Variants in KPNA7 observed in about 807,000 individuals in gnomAD.
KPNA7 encodes the protein importin subunit alpha-8.
Under a neutral mutation model 53.7 loss-of-function variants are expected in KPNA7, and 54 were observed. The ratio of observed to expected loss-of-function variants is 1.01; its 90% CI spans 0.81 to 1.26. The LOEUF is 1.26. KPNA7 is among the 50% of genes most tolerant of loss of function. KPNA7 has a pLI of 0.00. For missense variants in KPNA7, 640 were observed against 644.5 expected (o/e 0.99, Z 0.07); for synonymous variants, 276 against 259.3 (o/e 1.06, Z -0.62).
chr7:99,151,009 C>T, the KPNA7 span, among the ~76,000 whole-genome samples: 1 of 152,154 alleles, frequency 6.6e-6, no homozygotes, highest in East Asian at 1.9e-4. Context: ...GGAGCTGTAC[C>T]TCATTACTTA....
At chr7:99,169,568 G>C (rs897663205), downstream of KPNA7, among the ~76,000 whole-genome samples, 1 of 152,124 alleles carries the variant, frequency 6.6e-6, no homozygotes, top group Admixed American at 6.6e-5. Context: ...AGTGAGCTGA[G>C]ATTGCACCAC....
chr7:99,184,428 G>A (rs530077871), intron 8 of KPNA7, among the ~76,000 whole-genome samples: 11 of 152,120 alleles, frequency 7.2e-5, no homozygotes, highest in South Asian at 2.1e-4. Context: ...CTCCCAAAAC[G>A]TCGGAATTAC....
At chr7:99,169,625 A>AT, downstream of KPNA7, among the ~76,000 whole-genome samples, 1 of 151,708 alleles carries the variant, frequency 6.6e-6, no homozygotes, top group Middle Eastern at 3.4e-3. Context: ...TCAAAAATAG[A>AT]TAAATAACCT....
At chr7:99,173,105 G>A (rs186944689), downstream of KPNA7, among the ~76,000 whole-genome samples, 4 of 149,632 alleles carry the variant, frequency 2.7e-5, no homozygotes, top group East Asian at 7.8e-4. Context: ...AAGTCTGTCC[G>A]GATAACTATA....
intron 10 of KPNA7, among the ~76,000 whole-genome samples, chr7:99,177,251 C>T (rs556318839): frequency 1.3e-5 from 2 of 152,150 alleles, no homozygotes; most frequent in South Asian, 4.1e-4. Context: ...TTGTAGTTAA[C>T]GGGTAGGGAG....
the KPNA7 span, among the ~76,000 whole-genome samples, chr7:99,163,136 G>C: frequency 6.6e-6 from 1 of 151,546 alleles, no homozygotes; most frequent in Non-Finnish European, 1.5e-5. Flanking sequence ...AGCCGAGACT[G>C]CGTGACTGCA....
chr7:99,191,955 T>C (rs920381855), intron 6 of KPNA7, among the ~76,000 whole-genome samples: 1 of 152,148 alleles, frequency 6.6e-6, no homozygotes, highest in African/African-American at 2.4e-5. Flanking sequence ...CAGATGAAGG[T>C]TTTGAACATA....
chr7:99,212,019 C>T (rs1326025724), upstream of KPNA7, among the ~76,000 whole-genome samples: 1 of 152,218 alleles, frequency 6.6e-6, no homozygotes, highest in Non-Finnish European at 1.5e-5. Context: ...ATCCAGAGTC[C>T]TTTGGTTGCT....
intron 5 of KPNA7, 99 bp downstream of exon 5, chr7:99,194,971 T>C (rs1563080968): frequency 1.5e-6 from 2 of 1,345,560 alleles, no homozygotes; most frequent in Non-Finnish European, 1.0e-6. Flanking sequence ...CATGGCAAAG[T>C]GTTCTGGGAC....
At chr7:99,213,956 G>T (rs974261328) in intron 1 of KPNA7, among the ~76,000 whole-genome samples, 1 of 152,240 alleles carries the variant, frequency 6.6e-6, no homozygotes, top group Admixed American at 6.6e-5. Context: ...AGGATTAAAT[G>T]AAGTTTCATC....
At chr7:99,183,912 C>T (rs1005589691) in intron 8 of KPNA7, among the ~76,000 whole-genome samples, 24 of 152,152 alleles carry the variant, frequency 1.6e-4, no homozygotes, top group Admixed American at 9.8e-4. Context: ...GTGGCATGAT[C>T]GTGGCTCACT....
At chr7:99,147,802 ATT>A in the KPNA7 span, among the ~76,000 whole-genome samples, 15 of 148,438 alleles carry the variant, frequency 1.0e-4, no homozygotes, top group Admixed American at 1.3e-4. Context: ...AAAAAAAAAA[ATT>A]TTTTTTTTTG....
At chr7:99,218,310 T>G (rs567831715) in intron 1 of KPNA7, among the ~76,000 whole-genome samples, 17 of 152,206 alleles carry the variant, frequency 1.1e-4, no homozygotes, top group African/African-American at 3.9e-4. Context: ...TTTTTTTTCT[T>G]TTTTTTGTAG....
the KPNA7 span, among the ~76,000 whole-genome samples, chr7:99,154,277 C>T: frequency 1.1e-3 from 167 of 151,486 alleles, 1 homozygote; most frequent in African/African-American, 4.0e-3. Flanking sequence ...TACAGGTGCC[C>T]GCCACCACAC....
At chr7:99,155,071 ATATT>A in the KPNA7 span, among the ~76,000 whole-genome samples, 1 of 152,172 alleles carries the variant, frequency 6.6e-6, no homozygotes, top group African/African-American at 2.4e-5. Context: ...ATATGCACAT[ATATT>A]TATTGATTCA....
At position 99,185,079 on chromosome 7, in the gene KPNA7, G is replaced by C. The variant is rs1478431074; in HGVS notation, c.984C>G (p.Asn328Lys). 7.1e-6 allele frequency: 11 copies of C among 1,551,930 alleles called. No homozygotes were observed. Among genetic ancestry groups the C allele is most frequent in the Admixed American group, 2.0e-5 (1 of 50,988 alleles). Residue 328 changes from asparagine to lysine, a missense_variant, in exon 8 of 11, where the codon AAC becomes AAG. Asn to Lys is a moderately conservative substitution (Grantham distance 94). Coordinates refer to ENST00000327442, the MANE Select transcript of KPNA7 (RefSeq NM_001145715.3). ...TQMAIDAGML[N>K]VLPQLLQHNK... is the part of the protein sequence containing the mutation. Reference sequence around the variant, plus strand: ...TGTGTTGCAGGAGCTGGGGGAGCACGTTCAGCATACCCGCATCAATGGCCA... The same window carrying C: ...TGTGTTGCAGGAGCTGGGGGAGCACCTTCAGCATACCCGCATCAATGGCCA...
At chr7:99,218,466 TC>T (rs2150792367) in intron 1 of KPNA7, among the ~76,000 whole-genome samples, 1 of 151,876 alleles carries the variant, frequency 6.6e-6, no homozygotes, top group Non-Finnish European at 1.5e-5. Flanking sequence ...GGTGACAACA[TC>T]CCGGGGAGTA....
At chr7:99,182,117 G>T (rs6465740) in intron 8 of KPNA7, 52 bp from the exon 9 acceptor site, 1,392,298 of 1,392,702 alleles carry the variant, frequency 1, 695,949 homozygotes, top group Middle Eastern at 1. Flanking sequence ...AACCTAAATA[G>T]AGGACACCAA....
the KPNA7 span, among the ~76,000 whole-genome samples, chr7:99,167,872 T>C: frequency 6.6e-6 from 1 of 150,704 alleles, no homozygotes; most frequent in Non-Finnish European, 1.5e-5. Flanking sequence ...AGCTCAGGGC[T>C]CCCACTGATT....
Sources: allele counts gnomAD v4.1 joint callset (sites outside exome capture counted in the v4.1 genomes callset), GRCh38; gene constraint gnomAD v4.1.1; transcripts MANE v1.5; gene names NCBI Gene and HGNC (gene_info 2026-07-23, HGNC 2026-07-21).